Variants in INTS7 observed in about 807,000 individuals in gnomAD.
INTS7 encodes the protein integrator complex subunit 7.
Under a neutral mutation model 109.2 loss-of-function variants are expected in INTS7, and 46 were observed. The ratio of observed to expected loss-of-function variants is 0.42; its 90% CI spans 0.33 to 0.54. INTS7 has a LOEUF of 0.54. INTS7 is among the 20% of genes least tolerant of loss of function. INTS7 has a pLI of 0.07. For synonymous variants in INTS7, 412 were observed against 402.9 expected (o/e 1.02, Z -0.27); for missense variants, 929 against 1,132.4 (o/e 0.82, Z 2.58).
chr1:212,013,717 T>C (rs1411202844), intron 4 of INTS7, among the ~76,000 whole-genome samples: 2 of 152,240 alleles, frequency 1.3e-5, no homozygotes, highest in Non-Finnish European at 2.9e-5. Flanking sequence ...CTGAGCCTTT[T>C]CTATGTTTAG....
intron 11 of INTS7, among the ~76,000 whole-genome samples, chr1:211,977,714 A>G (rs143794183): frequency 8.5e-5 from 13 of 152,294 alleles, no homozygotes; most frequent in Non-Finnish European, 1.6e-4. Context: ...CTTTTCAACT[A>G]AACATTTTAT....
At chr1:211,960,760 A>T (rs1663586668) in intron 16 of INTS7, among the ~76,000 whole-genome samples, 1 of 152,154 alleles carries the variant, frequency 6.6e-6, no homozygotes, top group South Asian at 2.1e-4. Flanking sequence ...AGAATAGAGA[A>T]AAAACACTTT....
chr1:212,032,576 A>C (rs765940750), intron 1 of INTS7, among the ~76,000 whole-genome samples: 1 of 151,332 alleles, frequency 6.6e-6, no homozygotes, highest in Non-Finnish European at 1.5e-5. Context: ...TCCCAGGTTC[A>C]CGCCATTCTC....
chr1:212,011,869 T>C (rs151230645), intron 4 of INTS7, among the ~76,000 whole-genome samples: 1,816 of 152,358 alleles, frequency 0.012, 18 homozygotes, highest in Middle Eastern at 0.024. Context: ...TACAGACCTT[T>C]AGGGCTAAGA....
Position 212,008,148 on chromosome 1 carries a change from C to T in INTS7, c.557-699G>A, listed in dbSNP as rs150699297. Among the ~76,000 whole-genome samples, 7 of 152,264 alleles carry T rather than the reference C, an allele frequency of 4.6e-5. No homozygotes were observed. In the East Asian group the frequency reaches 1.2e-3, roughly 25 times the overall value. ...ATGGTGAAATAATTGTGGGTATGAA[C>T]GTAAGACAGCATTTCAACGTCCAAC... On this transcript the variant is annotated intron_variant, in intron 5 of 19. Coordinates refer to ENST00000366994, the MANE Select transcript of INTS7 (RefSeq NM_015434.4).
chr1:211,946,644 C>A lies in INTS7; in HGVS notation c.2378G>T (p.Arg793Ile). ...ALLKVPLSFQ[R>I]YFFQKLQSTS... Reference sequence around the variant, plus strand: ...AGACTGTAGTTTCTGGAAAAAATATCTCTGGAAAGAAAGGGGAACTTTCAG... The same window carrying A: ...AGACTGTAGTTTCTGGAAAAAATATATCTGGAAAGAAAGGGGAACTTTCAG... The change falls in exon 18 of 20, where the codon AGA becomes ATA. Residue 793 changes from arginine to isoleucine, a missense_variant. Arg to Ile is a moderately conservative substitution (Grantham distance 97). Transcript: ENST00000366994. This position sits in a 1 kb window ranked among gnomAD's most constrained non-coding sequence, Gnocchi z 4.3. 2 of 1,613,186 alleles carry A rather than the reference C, an allele frequency of 1.2e-6. No homozygotes were observed. The highest frequency in any genetic ancestry group is 1.7e-6 in the Non-Finnish European group (2 of 1,179,296).
At chr1:212,025,739 A>G (rs1666889199) in intron 1 of INTS7, 1 of 153,466 alleles carries the variant, frequency 6.5e-6, no homozygotes, top group African/African-American at 2.4e-5. Context: ...TAAGGATTTA[A>G]CAGCATCAAT....
chr1:211,946,548 T>G lies in INTS7; in HGVS notation c.2415+59A>C. On this transcript the variant is annotated intron_variant, in intron 18 of 19. Coordinates refer to ENST00000366994, the MANE Select transcript of INTS7 (RefSeq NM_015434.4). The surrounding 1 kb of genome is among the most constrained non-coding windows in gnomAD (Gnocchi z 4.3). ...TGAAGTGTAGCTATGTCCTACATAA[T>G]CTTCAGAAGACACCTGGTTTTAAAA... 1 of 980,820 alleles carries G rather than the reference T, an allele frequency of 1.0e-6. No individual in the cohort carries two copies. The highest frequency in any genetic ancestry group is 1.6e-6 in the Non-Finnish European group (1 of 618,084). 60.8% of individuals were successfully genotyped at this position (980,820 alleles called of 1,614,324 possible). A position where few individuals can be genotyped will look rare whatever the true frequency, so the allele number is the denominator to read the frequency against.
intron 8 of INTS7, among the ~76,000 whole-genome samples, chr1:211,986,876 T>C (rs1664916106): frequency 6.6e-6 from 1 of 152,196 alleles, no homozygotes; most frequent in Admixed American, 6.5e-5. Flanking sequence ...GGGAATTCCC[T>C]ACACCTAGAA....
intron 7 of INTS7, among the ~76,000 whole-genome samples, chr1:212,004,284 G>A (rs1665805977): frequency 6.6e-6 from 1 of 152,160 alleles, no homozygotes; most frequent in South Asian, 2.1e-4. Flanking sequence ...AGAGGTTGCA[G>A]TAAGCCAAGA....
intron 4 of INTS7, among the ~76,000 whole-genome samples, chr1:212,015,710 TAAAAAAAAAAAAAAAAAAAAAA>T (rs58204818): frequency 2.9e-5 from 1 of 34,950 alleles, no homozygotes; most frequent in Non-Finnish European, 4.9e-5. Flanking sequence ...CAATAAATAC[TAAAAAAAAAAAAAAAAAAAAAA>T]AAAAAAAAAA....
intron 1 of INTS7, among the ~76,000 whole-genome samples, chr1:212,030,268 T>C (rs1667095965): frequency 6.6e-6 from 1 of 151,944 alleles, no homozygotes. Flanking sequence ...AGTCTCACCT[T>C]AGCTTCAATT....
Position 211,941,502 on chromosome 1 carries a change from C to T in INTS7, c.*322G>A, listed in dbSNP as rs922463240. The T allele has an allele frequency of 5.6e-5, 14 of 247,828 alleles. No individual in the cohort carries two copies. Among genetic ancestry groups the T allele is most frequent in the Middle Eastern group, 1.4e-3 (1 of 720 alleles). The allele number at this position is 247,828 out of a possible 1,614,324, so 15.4% of individuals were successfully genotyped here. A position where few individuals can be genotyped will look rare whatever the true frequency, so the allele number is the denominator to read the frequency against. On this transcript the variant is annotated 3_prime_UTR_variant, in exon 20 of 20. Transcript: ENST00000366994. The stretch of plus-strand genomic sequence containing the variant: ...CCTCCCAAGTAGCTGGGACTACAGG[C>T]GCCTGCCACCATGCTTGGCTAATTT...
At chr1:211,987,725 C>G (rs1413626140) in intron 8 of INTS7, among the ~76,000 whole-genome samples, 161 bp downstream of exon 8, 1 of 151,966 alleles carries the variant, frequency 6.6e-6, no homozygotes, top group African/African-American at 2.4e-5. Context: ...TTATCATAGG[C>G]ATTAGTTAAG....
rs114589100 is a variant in INTS7 at position 212,007,231 on chromosome 1, T to C, written c.756+19A>G. On this transcript the variant is annotated intron_variant, in intron 6 of 19. Transcript: ENST00000366994. ...GTAAGTTTACCAAAGATAGGCAGTT[T>C]AAAGAAAATTGAAATTACCTGCTTA... 2.1e-3 allele frequency: 3,218 copies of C among 1,568,650 alleles called. 54 individuals are homozygous for C. In the African/African-American group the frequency reaches 0.038, roughly 19 times the overall value.
At position 211,968,541 on chromosome 1, in the gene INTS7, A is replaced by T; in HGVS notation, c.1982T>A (p.Leu661His). ...ATTGGAGATGCGACCACACCTCTGG[A>T]GGTCATTTCCTAAGGTCATGGCAAT... Reference protein sequence around the residue: ...TTIAMTLGNDLQRCGRISNQM... With the variant: ...TTIAMTLGNDHQRCGRISNQM... Residue 661 changes from leucine to histidine, a missense_variant, in exon 14 of 20, where the codon CTC becomes CAC. By Grantham distance (99) the Leu-to-His change is moderately conservative (BLOSUM62 -3). This residue lies in a region of INTS7 where 787 missense variants were observed against 901.1 expected (regional missense o/e 0.87). Coordinates refer to ENST00000366994, the MANE Select transcript of INTS7 (RefSeq NM_015434.4). 6 of 1,614,046 alleles carry T rather than the reference A, an allele frequency of 3.7e-6. No homozygotes were observed. Among genetic ancestry groups the T allele is most frequent in the Non-Finnish European group, 5.1e-6 (6 of 1,179,942 alleles).
At chr1:211,996,504 A>G (rs1041559688) in intron 7 of INTS7, among the ~76,000 whole-genome samples, 5 of 152,216 alleles carry the variant, frequency 3.3e-5, no homozygotes, top group African/African-American at 1.2e-4. Flanking sequence ...AATGGGCCAC[A>G]AATAAACTTT....
Position 211,988,012 on chromosome 1 carries a change from C to A in INTS7, c.880-9G>T, listed in dbSNP as rs771593109. 1.4e-6 allele frequency: 2 copies of A among 1,380,988 alleles called. No individual in the cohort carries two copies. The highest frequency in any genetic ancestry group is 2.1e-6 in the Non-Finnish European group (2 of 972,896). The allele number at this position is 1,380,988 out of a possible 1,614,324, so 85.5% of individuals were successfully genotyped here. A position where few individuals can be genotyped will look rare whatever the true frequency, so the allele number is the denominator to read the frequency against. On this transcript the variant is annotated splice_polypyrimidine_tract_variant and intron_variant, in intron 7 of 19. Transcript: ENST00000366994. ...GCACACTCACAAAGTGCCTGGAATG[C>A]AGAAGAGAAATGAATATAGAAGTTA...
At chr1:211,988,406 A>G (rs1201348060) in intron 7 of INTS7, among the ~76,000 whole-genome samples, 2 of 150,930 alleles carry the variant, frequency 1.3e-5, no homozygotes, top group African/African-American at 2.4e-5. Flanking sequence ...TGGGGGACAG[A>G]GCAAGACCCT....
Sources: gnomAD v4.1 joint callset for allele counts (sites outside exome capture counted in the v4.1 genomes callset) on GRCh38, gnomAD v4.1.1 for gene constraint, gnomAD v4.1.1 regional missense constraint, Gnocchi (gnomAD v3.1) non-coding constraint, MANE v1.5 for transcripts, NCBI Gene and HGNC (gene_info 2026-07-23, HGNC 2026-07-21) for gene names.